The following CNTN1 variants were observed in gnomAD, a reference collection of about 807,000 sequenced individuals.
CNTN1 encodes the protein contactin 1.
Under a neutral mutation model 126.4 loss-of-function variants are expected in CNTN1, and 38 were observed. The observed-to-expected ratio is 0.30, with a 90% CI of 0.23 to 0.39. CNTN1 has a LOEUF of 0.39. Ranked by LOEUF, CNTN1 falls within the 10% of genes least tolerant of loss-of-function variation. The pLI is 1.00. For synonymous variants in CNTN1, 413 were observed against 422.6 expected (o/e 0.98, Z 0.28); for missense variants, 1,009 against 1,248.4 (o/e 0.81, Z 2.89).
At chr12:40,764,374 T>A (rs557093942) in intron 1 of CNTN1, among the ~76,000 whole-genome samples, 109 of 152,332 alleles carry the variant, frequency 7.2e-4, no homozygotes, top group African/African-American at 2.4e-3. Flanking sequence ...AATGCTGAGA[T>A]GAACTAATGG....
intron 15 of CNTN1, among the ~76,000 whole-genome samples, chr12:40,960,640 C>A (rs1233771867): frequency 6.6e-6 from 1 of 152,000 alleles, no homozygotes; most frequent in African/African-American, 2.4e-5. Flanking sequence ...TTCCACAAAC[C>A]ACTTATTGAA....
At chr12:41,057,315 T>C (rs1414898574) in intron 23 of CNTN1, among the ~76,000 whole-genome samples, 2 of 150,672 alleles carry the variant, frequency 1.3e-5, no homozygotes, top group South Asian at 2.1e-4. Flanking sequence ...TCCAAGATTA[T>C]ATTCTAAACA....
intron 1 of CNTN1, among the ~76,000 whole-genome samples, chr12:40,712,123 C>G (rs1941929450): frequency 1.3e-5 from 2 of 152,156 alleles, no homozygotes; most frequent in African/African-American, 4.8e-5. Flanking sequence ...TAAAGCTGCA[C>G]TTTACTAGGT....
chr12:40,765,846 C>T (rs1160406136), intron 1 of CNTN1, among the ~76,000 whole-genome samples: 1 of 152,204 alleles, frequency 6.6e-6, no homozygotes, highest in Non-Finnish European at 1.5e-5. Flanking sequence ...ACAAAGATAA[C>T]AAATGATGTT....
intron 15 of CNTN1, among the ~76,000 whole-genome samples, chr12:40,973,905 T>G (rs1947598492): frequency 6.6e-6 from 1 of 152,168 alleles, no homozygotes; most frequent in South Asian, 2.1e-4. Flanking sequence ...CCAATTTGAT[T>G]TATCAAAAAA....
intron 1 of CNTN1, among the ~76,000 whole-genome samples, chr12:40,876,335 A>T (rs113585005): frequency 2.3e-3 from 357 of 152,268 alleles, no homozygotes; most frequent in African/African-American, 8.1e-3. Context: ...TGAGATGTTC[A>T]TTGACTTGAA....
intron 14 of CNTN1, among the ~76,000 whole-genome samples, chr12:40,949,971 C>T (rs538904499): frequency 2.0e-5 from 3 of 152,060 alleles, no homozygotes; most frequent in African/African-American, 4.8e-5. Flanking sequence ...GAATCAGATT[C>T]GAGCCGAAAA....
Position 40,877,651 on chromosome 12 carries a change from T to C in CNTN1, c.-76-30706T>C, listed in dbSNP as rs545544118. ...AAACTAAGAAAAGGCATAAATATAC[T>C]GATGAGGTTTATATAACCCATGTCT... On this transcript the variant is annotated intron_variant, in intron 1 of 23. Coordinates refer to ENST00000551295, the MANE Select transcript of CNTN1 (RefSeq NM_001843.4). Among the ~76,000 whole-genome samples the C allele has an allele frequency of 5.9e-5, 9 of 152,346 alleles. No homozygotes were observed. In the East Asian group the frequency reaches 1.3e-3, roughly 23 times the overall value.
At chr12:40,909,838 C>G (rs1944965050) in intron 2 of CNTN1, among the ~76,000 whole-genome samples, 2 of 151,626 alleles carry the variant, frequency 1.3e-5, no homozygotes, top group African/African-American at 4.8e-5. Context: ...TAAAAATTAT[C>G]TTATTATTAC....
intron 1 of CNTN1, among the ~76,000 whole-genome samples, chr12:40,731,719 A>C (rs1942504845): frequency 6.6e-6 from 1 of 151,974 alleles, no homozygotes; most frequent in Non-Finnish European, 1.5e-5. Context: ...ATACAATGGA[A>C]TATATTAATT....
intron 1 of CNTN1, among the ~76,000 whole-genome samples, chr12:40,797,747 G>A (rs565433975): frequency 3.9e-5 from 6 of 152,090 alleles, no homozygotes; most frequent in South Asian, 2.1e-4. Context: ...GGTTAATGGC[G>A]ATGAGGAGAG....
chr12:40,899,947 T>A (rs931011377), intron 1 of CNTN1, among the ~76,000 whole-genome samples: 1 of 152,150 alleles, frequency 6.6e-6, no homozygotes, highest in Non-Finnish European at 1.5e-5. Context: ...TTAAAAAAAT[T>A]AAGTAATAAA....
intron 1 of CNTN1, among the ~76,000 whole-genome samples, chr12:40,711,549 T>G (rs1351230167): frequency 2.6e-5 from 4 of 152,056 alleles, no homozygotes; most frequent in African/African-American, 9.7e-5. Flanking sequence ...CTCTTTATCT[T>G]AAAAACAATG....
At chr12:41,032,026 G>A (rs773323295) in intron 23 of CNTN1, among the ~76,000 whole-genome samples, 1 of 152,012 alleles carries the variant, frequency 6.6e-6, no homozygotes, top group Non-Finnish European at 1.5e-5. Flanking sequence ...TAAGCATTAT[G>A]CTGTTTGTTC....
At chr12:40,880,690 A>G (rs1390863141) in intron 1 of CNTN1, among the ~76,000 whole-genome samples, 1 of 152,050 alleles carries the variant, frequency 6.6e-6, no homozygotes, top group African/African-American at 2.4e-5. Flanking sequence ...AGAAAAGAAC[A>G]GGTTTGTATT....
At chr12:40,831,493 T>C (rs1168494373) in intron 1 of CNTN1, among the ~76,000 whole-genome samples, 1 of 152,118 alleles carries the variant, frequency 6.6e-6, no homozygotes, top group Admixed American at 6.5e-5. Context: ...GGAGATATCA[T>C]CTTCTTTTCT....
chr12:40,720,091 T>G (rs1942156744), intron 1 of CNTN1, among the ~76,000 whole-genome samples: 1 of 139,582 alleles, frequency 7.2e-6, no homozygotes, highest in Non-Finnish European at 1.6e-5. Flanking sequence ...GACCTCGTGC[T>G]CTGCCTGCCT....
chr12:40,902,072 G>A (rs1236778218), intron 1 of CNTN1, among the ~76,000 whole-genome samples: 1 of 152,104 alleles, frequency 6.6e-6, no homozygotes, highest in African/African-American at 2.4e-5. Flanking sequence ...TCATTGTATA[G>A]TATCCCCTTT....
chr12:40,993,619 A>G (rs1948145001), intron 17 of CNTN1, among the ~76,000 whole-genome samples: 1 of 152,162 alleles, frequency 6.6e-6, no homozygotes, highest in South Asian at 2.1e-4. Context: ...CTGAATCTTA[A>G]CTAGGCAGAC....
Sources: allele counts gnomAD v4.1 joint callset (sites outside exome capture counted in the v4.1 genomes callset), GRCh38; gene constraint gnomAD v4.1.1; transcripts MANE v1.5; gene names NCBI Gene and HGNC (gene_info 2026-07-23, HGNC 2026-07-21).